KAZN: variants seen among roughly 807,000 people sequenced by gnomAD.
KAZN encodes the protein kazrin, periplakin interacting protein.
Under a neutral mutation model 87.4 loss-of-function variants are expected in KAZN, and 40 were observed. That is an observed-to-expected ratio of 0.46 (90% CI 0.36 to 0.60). The LOEUF (loss-of-function observed/expected upper bound fraction) is 0.60, where lower values mean the gene tolerates loss of function less well. Among genes scored for constraint, KAZN ranks in the 20% least tolerant of loss-of-function variants. The pLI is 0.00. For missense variants in KAZN, 898 were observed against 1,073.9 expected, an observed-to-expected ratio of 0.84 and a Z score of 2.29; for synonymous variants, 466 against 458.3, an observed-to-expected ratio of 1.02 and a Z score of -0.22.
intron 3 of KAZN, among the ~76,000 whole-genome samples, chr1:15,041,161 C>T (rs569211488): frequency 3.8e-4 from 57 of 149,608 alleles, no homozygotes; most frequent in Admixed American, 2.2e-3. Context: ...GGGGTTTCAC[C>T]ATGTTGGCCA....
intron 2 of KAZN, among the ~76,000 whole-genome samples, chr1:15,017,215 T>C (rs948783003): frequency 6.6e-6 from 1 of 151,750 alleles, no homozygotes; most frequent in African/African-American, 2.4e-5. Flanking sequence ...CGAGAATTGC[T>C]TGAACCCAGG....
At chr1:14,096,444 G>A (rs1644129847) in intron 1 of KAZN, among the ~76,000 whole-genome samples, 1 of 152,186 alleles carries the variant, frequency 6.6e-6, no homozygotes, top group African/African-American at 2.4e-5. Context: ...AAAGGTGCAG[G>A]TGCCTGCCTT....
At chr1:15,048,724 T>TCGGTCC (rs1481542979) in intron 4 of KAZN, among the ~76,000 whole-genome samples, 8 of 144,104 alleles carry the variant, frequency 5.6e-5, no homozygotes, top group African/African-American at 2.2e-4. Flanking sequence ...TCCTGGGTCG[T>TCGGTCC]TGGTCATGGG....
At chr1:14,865,270 A>C (rs1239175350) in intron 1 of KAZN, among the ~76,000 whole-genome samples, 2 of 152,194 alleles carry the variant, frequency 1.3e-5, no homozygotes, top group African/African-American at 2.4e-5. Context: ...CCCAGTATGA[A>C]AATAGATCGC....
intron 1 of KAZN, among the ~76,000 whole-genome samples, chr1:14,878,948 G>A (rs903672368): frequency 6.6e-6 from 1 of 152,216 alleles, no homozygotes; most frequent in Non-Finnish European, 1.5e-5. Context: ...CTCAGCCCTG[G>A]CTTCATGTTT....
chr1:14,924,636 C>G, intron 1 of KAZN: 1 of 933,932 alleles, frequency 1.1e-6, no homozygotes. Flanking sequence ...CCGCCGGGGC[C>G]GGGCGCGCGA....
chr1:14,936,809 G>A (rs893748646), intron 1 of KAZN, among the ~76,000 whole-genome samples: 37 of 152,092 alleles, frequency 2.4e-4, no homozygotes, highest in African/African-American at 8.2e-4. Flanking sequence ...CCCCAGATGC[G>A]ACAAGCCTCC....
At chr1:14,344,917 CTT>C (rs35120179) in intron 2 of KAZN, among the ~76,000 whole-genome samples, 16 of 142,434 alleles carry the variant, frequency 1.1e-4, no homozygotes, top group Admixed American at 1.4e-4. Context: ...ATCCCCTCTT[CTT>C]TTTTTTTTTT....
chr1:14,210,850 G>A (rs1474859003), intron 2 of KAZN, among the ~76,000 whole-genome samples: 2 of 152,070 alleles, frequency 1.3e-5, no homozygotes, highest in South Asian at 2.1e-4. Flanking sequence ...CTTCATAAGA[G>A]ACACGTAGAA....
chr1:15,041,331 C>CTTTTTTTTTTTTTTTTTTTT (rs71000360), intron 3 of KAZN, among the ~76,000 whole-genome samples: 24 of 114,128 alleles, frequency 2.1e-4, no homozygotes, highest in African/African-American at 5.3e-4. Flanking sequence ...CATTTTTTTT[C>CTTTTTTTTTTTTTTTTTTTT]TTTTTTTTTT....
chr1:14,057,387 C>T (rs992438337), intron 1 of KAZN, among the ~76,000 whole-genome samples: 2 of 152,142 alleles, frequency 1.3e-5, no homozygotes, highest in Non-Finnish European at 2.9e-5. Flanking sequence ...CCCTCCTCGG[C>T]CTCCCAAAGT....
chr1:14,352,199 A>G (rs1658601258), intron 2 of KAZN, among the ~76,000 whole-genome samples: 1 of 152,150 alleles, frequency 6.6e-6, no homozygotes, highest in South Asian at 2.1e-4. Flanking sequence ...ATTTTTTCAC[A>G]TCTATCTACA....
intron 2 of KAZN, among the ~76,000 whole-genome samples, chr1:14,285,759 C>A (rs1352352677): frequency 3.3e-5 from 5 of 152,130 alleles, no homozygotes; most frequent in Admixed American, 2.6e-4. Flanking sequence ...CTTCATATTC[C>A]TTTTGCACTG....
chr1:14,414,516 T>C (rs1233103595), intron 2 of KAZN, among the ~76,000 whole-genome samples: 1 of 152,098 alleles, frequency 6.6e-6, no homozygotes, highest in Non-Finnish European at 1.5e-5. Context: ...TGTAGAAACA[T>C]AATGCTTAGC....
intron 2 of KAZN, among the ~76,000 whole-genome samples, chr1:14,516,802 T>G (rs1671322039): frequency 6.6e-6 from 1 of 152,162 alleles, no homozygotes; most frequent in African/African-American, 2.4e-5. Context: ...TCCATTTCTC[T>G]AACAAGAACC....
intron 1 of KAZN, among the ~76,000 whole-genome samples, chr1:14,620,644 G>A (rs1054353385): frequency 6.6e-6 from 1 of 152,104 alleles, no homozygotes; most frequent in African/African-American, 2.4e-5. Flanking sequence ...TTGTAGGGTG[G>A]CAGAGCCAGC....
At chr1:14,767,019 C>T (rs1644902678) in intron 1 of KAZN, among the ~76,000 whole-genome samples, 1 of 152,134 alleles carries the variant, frequency 6.6e-6, no homozygotes, top group Admixed American at 6.5e-5. Context: ...GAAGGCTTCT[C>T]TGAAGATCTC....
At chr1:15,073,792 G>A (rs778579397) in intron 8 of KAZN, among the ~76,000 whole-genome samples, 4 of 152,192 alleles carry the variant, frequency 2.6e-5, no homozygotes, top group East Asian at 1.9e-4. Flanking sequence ...ACTTCTGTCC[G>A]GTGGACCTGC....
At chr1:14,209,894 C>T (rs559167428) in intron 2 of KAZN, among the ~76,000 whole-genome samples, 10 of 152,246 alleles carry the variant, frequency 6.6e-5, no homozygotes, top group East Asian at 3.9e-4. Flanking sequence ...CCCTTCCAGA[C>T]GAGCTGCTAC....
Sources: gnomAD v4.1 joint callset for allele counts (sites outside exome capture counted in the v4.1 genomes callset) on GRCh38, gnomAD v4.1.1 for gene constraint, MANE v1.5 for transcripts, NCBI Gene and HGNC (gene_info 2026-07-23, HGNC 2026-07-21) for gene names.